CDCP1: variants seen among roughly 807,000 people sequenced by gnomAD.
The protein encoded by CDCP1 is CUB domain-containing protein 1.
CDCP1 carries 29 observed loss-of-function variants against 60.2 expected under a neutral mutation model. That is an observed-to-expected ratio of 0.48 (90% CI 0.36 to 0.66). The LOEUF (loss-of-function observed/expected upper bound fraction) is 0.66, where lower values mean the gene tolerates loss of function less well. Among genes scored for constraint, CDCP1 ranks in the 30% least tolerant of loss-of-function variants. The probability of loss-of-function intolerance (pLI) is 0.00; values close to 1 mark genes in which losing one functional copy is unlikely to be tolerated. For synonymous variants in CDCP1, 387 were observed against 431.1 expected, an observed-to-expected ratio of 0.90 and a Z score of 1.27; for missense variants, 876 against 1,074.3, an observed-to-expected ratio of 0.82 and a Z score of 2.58.
intron 4 of CDCP1, among the ~76,000 whole-genome samples, chr3:45,099,660 CTCTT>C (rs1417941388): frequency 6.6e-6 from 1 of 151,974 alleles, no homozygotes; most frequent in Non-Finnish European, 1.5e-5. Flanking sequence ...TTTATATTTT[CTCTT>C]TCTTTCTATC....
intron 5 of CDCP1, 61 bp downstream of exon 5, chr3:45,095,286 C>A: frequency 6.7e-7 from 1 of 1,501,976 alleles, no homozygotes; most frequent in Non-Finnish European, 9.2e-7. Context: ...CCCACTAAGG[C>A]AAGGCGGGGA....
At chr3:45,111,340 G>A (rs1205430938) in intron 3 of CDCP1, among the ~76,000 whole-genome samples, 4 of 151,356 alleles carry the variant, frequency 2.6e-5, no homozygotes, top group Non-Finnish European at 2.9e-5. Context: ...TTTTTATAAC[G>A]GATCTGTTTC....
At chr3:45,121,423 C>T (rs1218887509) in intron 1 of CDCP1, among the ~76,000 whole-genome samples, 2 of 152,176 alleles carry the variant, frequency 1.3e-5, no homozygotes, top group Non-Finnish European at 2.9e-5. Flanking sequence ...ATCATGAAAA[C>T]GTCTAACTGT....
At chr3:45,107,420 C>T (rs1466838874) in intron 4 of CDCP1, among the ~76,000 whole-genome samples, 5 of 152,046 alleles carry the variant, frequency 3.3e-5, no homozygotes, top group Non-Finnish European at 7.4e-5. Context: ...ATTGGCCAGG[C>T]TGGTCTCAAA....
At chr3:45,086,561 C>G (rs142082199) in intron 8 of CDCP1, among the ~76,000 whole-genome samples, 1 of 152,248 alleles carries the variant, frequency 6.6e-6, no homozygotes, top group Non-Finnish European at 1.5e-5. Context: ...TTTTAAATGG[C>G]GATACAAGAG....
intron 1 of CDCP1, among the ~76,000 whole-genome samples, chr3:45,125,409 C>G (rs1275731019): frequency 6.6e-6 from 1 of 152,124 alleles, no homozygotes; most frequent in Non-Finnish European, 1.5e-5. Context: ...TACCACTCAC[C>G]CAGATGTGCT....
At chr3:45,117,021 CTATT>C (rs1698803685) in intron 2 of CDCP1, among the ~76,000 whole-genome samples, 1 of 152,024 alleles carries the variant, frequency 6.6e-6, no homozygotes, top group Non-Finnish European at 1.5e-5. Flanking sequence ...AGGGATTTGT[CTATT>C]TAATTAGTCT....
At chr3:45,088,942 T>C (rs1392388789) in intron 8 of CDCP1, 112 bp downstream of exon 8, 1 of 869,894 alleles carries the variant, frequency 1.1e-6, no homozygotes, top group East Asian at 2.6e-5. Context: ...CATTGATCTT[T>C]GGGGGAAAAA....
chr3:45,146,379 G>A (rs1037169894), upstream of CDCP1: 19 of 1,159,930 alleles, frequency 1.6e-5, no homozygotes, highest in Non-Finnish European at 2.1e-5. Flanking sequence ...GCTCCGCCCT[G>A]GCTCACTCAC....
chr3:45,092,293 T>C (rs1239993061), intron 6 of CDCP1, among the ~76,000 whole-genome samples: 1 of 152,218 alleles, frequency 6.6e-6, no homozygotes, highest in African/African-American at 2.4e-5. Flanking sequence ...GTAGCTACTA[T>C]ATTCATCTAT....
At chr3:45,086,735 A>G (rs1386585845) in intron 8 of CDCP1, among the ~76,000 whole-genome samples, 3 of 152,216 alleles carry the variant, frequency 2.0e-5, no homozygotes, top group Non-Finnish European at 4.4e-5. Flanking sequence ...CAATAACACC[A>G]TTAGCATTTG....
intron 4 of CDCP1, among the ~76,000 whole-genome samples, chr3:45,109,929 C>T (rs989048845): frequency 1.3e-5 from 2 of 152,176 alleles, no homozygotes; most frequent in African/African-American, 4.8e-5. Context: ...CTGCTCTTAA[C>T]AAGCTGTGTG....
chr3:45,107,934 T>C (rs951763943), intron 4 of CDCP1, among the ~76,000 whole-genome samples: 4 of 151,674 alleles, frequency 2.6e-5, no homozygotes, highest in Non-Finnish European at 4.4e-5. Context: ...CTGGCCAACA[T>C]AGTGAAACCC....
rs1698148100 is a variant in CDCP1, at chr3:45,084,221, A to T, written c.*1417T>A. ...AGCCCCAGCATGGCCAGATCTTCTG[A>T]TCTGGGTTTTTTTTTAAGTGTTAGA... On this transcript the variant is annotated 3_prime_UTR_variant, in exon 9 of 9. Transcript: ENST00000296129. The T allele has an allele frequency of 6.6e-6, 1 of 151,894 alleles. No individual in the cohort carries two copies. Among genetic ancestry groups the T allele is most frequent in the Admixed American group, 6.6e-5 (1 of 15,248 alleles). 9.4% of individuals were successfully genotyped at this position (151,894 alleles called of 1,614,324 possible). A position where few individuals can be genotyped will look rare whatever the true frequency, so the allele number is the denominator to read the frequency against.
At chr3:45,087,997 G>A (rs1008061314) in intron 8 of CDCP1, among the ~76,000 whole-genome samples, 1 of 150,856 alleles carries the variant, frequency 6.6e-6, no homozygotes, top group Non-Finnish European at 1.5e-5. Flanking sequence ...ACTCCAGCCT[G>A]GCAACAGAGT....
In CDCP1 at chr3:45,095,350, T is replaced by A. The variant is rs763088238; in HGVS notation, c.1243A>T (p.Ile415Leu). The A allele has an allele frequency of 6.2e-7, 1 of 1,613,842 alleles. No individual in the cohort carries two copies. Among genetic ancestry groups the A allele is most frequent in the Non-Finnish European group, 8.5e-7 (1 of 1,179,800 alleles). Residue 415 changes from isoleucine (I) to leucine (L), a missense_variant, in exon 5 of 9, where the codon ATA becomes TTA. Transcript: ENST00000296129. ...TRLWMNVEKT[I>L]SCTDHRYCQR... ...ATGCACTGATTCAGGGGCGTACTTA[T>A]GGTTTTTTCCACATTCATCCACAGA...
At chr3:45,129,735 A>G (rs1386438946) in intron 1 of CDCP1, among the ~76,000 whole-genome samples, 1 of 152,172 alleles carries the variant, frequency 6.6e-6, no homozygotes, top group Admixed American at 6.5e-5. Context: ...CTGAATTTCC[A>G]GTGTCTTTAG....
At chr3:45,113,926 C>G (rs961857789) in intron 2 of CDCP1, among the ~76,000 whole-genome samples, 1 of 152,214 alleles carries the variant, frequency 6.6e-6, no homozygotes, top group Non-Finnish European at 1.5e-5. Flanking sequence ...ATTTTCCACG[C>G]ACACCTCCAG....
At position 45,093,551 on chromosome 3, in the gene CDCP1, C is replaced by T; in HGVS notation, c.1353G>A (p.Leu451=). 1 of 1,614,224 alleles carries T rather than the reference C, an allele frequency of 6.2e-7. No individual in the cohort carries two copies. The highest frequency in any genetic ancestry group is 1.1e-5 in the South Asian group (1 of 91,084). ...VELHDFSWKL[L]VPKDRLSLVL... The stretch of plus-strand genomic sequence containing the variant: ...CCAGGCTGAGCCTGTCCTTGGGCAC[C>T]AGCAGCTTCCAGGAGAAGTCATGCA... Residue 451 remains leucine, a synonymous_variant, in exon 6 of 9, where the codon CTG becomes CTA. Coordinates refer to ENST00000296129, the MANE Select transcript of CDCP1 (RefSeq NM_022842.5).
Sources: gnomAD v4.1 joint callset for allele counts (sites outside exome capture counted in the v4.1 genomes callset) on GRCh38, gnomAD v4.1.1 for gene constraint, MANE v1.5 for transcripts, NCBI Gene and HGNC (gene_info 2026-07-23, HGNC 2026-07-21) for gene names.